WNK2: variants seen among roughly 807,000 people sequenced by gnomAD.
The protein encoded by WNK2 is serine/threonine-protein kinase WNK2.
In WNK2, 67 loss-of-function variants were observed where a neutral mutation model predicts 192.1. The ratio of observed to expected loss-of-function variants is 0.35; its 90% CI spans 0.29 to 0.43. WNK2 has a LOEUF of 0.43. WNK2 is among the 20% of genes least tolerant of loss of function. The pLI is 1.00. For synonymous variants in WNK2, 1,439 were observed against 1,393.9 expected (o/e 1.03, Z -0.72); for missense variants, 2,698 against 3,089.7 (o/e 0.87, Z 3.01).
intron 19 of WNK2, among the ~76,000 whole-genome samples, chr9:93,270,747 C>T (rs1484950380): frequency 2.6e-5 from 4 of 152,158 alleles, no homozygotes; most frequent in Admixed American, 6.5e-5. Flanking sequence ...CTTGCACCAG[C>T]ACGCCGACAG....
intron 19 of WNK2, among the ~76,000 whole-genome samples, chr9:93,287,421 A>G (rs575405218): frequency 6.6e-6 from 1 of 152,326 alleles, no homozygotes; most frequent in East Asian, 1.9e-4. Flanking sequence ...GAGTACCAAC[A>G]CAGAATGGAT....
intron 26 of WNK2, among the ~76,000 whole-genome samples, chr9:93,306,228 A>G (rs917849540): frequency 6.6e-6 from 1 of 152,168 alleles, no homozygotes; most frequent in African/African-American, 2.4e-5. Context: ...TCCCCTACTC[A>G]ACACTTGCCG....
rs762287616 is a variant in WNK2, at chr9:93,231,050, G to A, written c.1017G>A (p.Lys339=). Residue 339 remains lysine (K), a synonymous_variant, in exon 4 of 30, where the codon AAG becomes AAA. Transcript: ENST00000427277. Reference sequence around the variant, plus strand: ...TCACCGGACCAACTGGGTCTGTGAAGATTGGCGACTTGGGCCTGGCCACTC... The same window carrying A: ...TCACCGGACCAACTGGGTCTGTGAAAATTGGCGACTTGGGCCTGGCCACTC... ...IFITGPTGSV[K]IGDLGLATLK... is the part of the protein sequence containing the mutation. The A allele has an allele frequency of 6.2e-7, 1 of 1,613,934 alleles. No homozygotes were observed. Among genetic ancestry groups the A allele is most frequent in the South Asian group, 1.1e-5 (1 of 91,074 alleles).
chr9:93,191,628 A>G (rs550417936), intron 2 of WNK2, among the ~76,000 whole-genome samples: 1 of 152,140 alleles, frequency 6.6e-6, no homozygotes, highest in East Asian at 1.9e-4. Flanking sequence ...GTGAGAGATT[A>G]CAGGGCTGGT....
chr9:93,235,055 C>A, intron 5 of WNK2, 90 bp downstream of exon 5: 1 of 1,496,356 alleles, frequency 6.7e-7, no homozygotes, highest in Non-Finnish European at 9.1e-7. Flanking sequence ...TCTGTAAAGC[C>A]ATCCTGGCAG....
intron 16 of WNK2, among the ~76,000 whole-genome samples, chr9:93,266,689 G>A (rs1322293029): frequency 6.6e-6 from 1 of 152,220 alleles, no homozygotes; most frequent in African/African-American, 2.4e-5. Context: ...ACTTTGTCTG[G>A]AGGTGTATGC....
At chr9:93,211,933 TTCAC>T (rs1779192811) in intron 2 of WNK2, among the ~76,000 whole-genome samples, 1 of 150,440 alleles carries the variant, frequency 6.6e-6, no homozygotes, top group African/African-American at 2.5e-5. Context: ...CATCTACTCA[TTCAC>T]TCACTCATCC....
At chr9:93,262,224 C>A (rs1844394337) in intron 13 of WNK2, 117 bp downstream of exon 13, 1 of 1,261,770 alleles carries the variant, frequency 7.9e-7, no homozygotes, top group Non-Finnish European at 1.1e-6. Flanking sequence ...CTGGGACAGC[C>A]ACCCAGGTTC....
chr9:93,299,336 C>G (rs1193905821), intron 25 of WNK2, 75 bp downstream of exon 25: 1 of 1,472,772 alleles, frequency 6.8e-7, no homozygotes, highest in Non-Finnish European at 9.1e-7. Flanking sequence ...GGAGCACGCC[C>G]GTGTTGTGTA....
At chr9:93,303,061 G>T (rs1851886827) in intron 26 of WNK2, among the ~76,000 whole-genome samples, 1 of 152,108 alleles carries the variant, frequency 6.6e-6, no homozygotes, top group Non-Finnish European at 1.5e-5. Flanking sequence ...TGGGACCACA[G>T]GTCTGCACCA....
intron 5 of WNK2, among the ~76,000 whole-genome samples, chr9:93,237,013 G>T (rs1025281940): frequency 4.6e-5 from 7 of 152,224 alleles, no homozygotes; most frequent in African/African-American, 1.7e-4. Flanking sequence ...TGAGGTGGAG[G>T]TGTGCAGTGT....
intron 25 of WNK2, 75 bp downstream of exon 25, chr9:93,299,336 C>T (rs1193905821): frequency 3.7e-5 from 55 of 1,472,780 alleles, no homozygotes; most frequent in East Asian, 2.7e-4. Context: ...GGAGCACGCC[C>T]GTGTTGTGTA....
chr9:93,294,251 C>A (rs908655465), intron 23 of WNK2, among the ~76,000 whole-genome samples: 2 of 152,186 alleles, frequency 1.3e-5, no homozygotes, highest in Non-Finnish European at 2.9e-5. Flanking sequence ...TGGTCAGTGC[C>A]ATACATTGAG....
intron 29 of WNK2, 54 bp from the exon 30 acceptor site, chr9:93,320,313 G>C: frequency 7.3e-7 from 1 of 1,366,634 alleles, no homozygotes; most frequent in Admixed American, 1.9e-5. Flanking sequence ...GGCCCTTGGC[G>C]AGTGGCCAGC....
At chr9:93,263,451 G>A (rs1588281264) in intron 14 of WNK2, 115 bp from the exon 15 acceptor site, 1 of 1,354,132 alleles carries the variant, frequency 7.4e-7, no homozygotes, top group East Asian at 2.5e-5. Flanking sequence ...GCCTCTGTAG[G>A]TCACAGATTT....
chr9:93,249,145 G>GT (rs1225234543), intron 8 of WNK2, among the ~76,000 whole-genome samples: 1 of 152,170 alleles, frequency 6.6e-6, no homozygotes, highest in Non-Finnish European at 1.5e-5. Context: ...CAGACTTTTT[G>GT]TAAGAAGAAA....
At chr9:93,211,229 C>CTTATTCACTTACACAT (rs1563997208) in intron 2 of WNK2, among the ~76,000 whole-genome samples, 4 of 127,148 alleles carry the variant, frequency 3.1e-5, no homozygotes, top group African/African-American at 6.4e-5. Context: ...CATCCACTCA[C>CTTATTCACTTACACAT]TCACTCACTC....
At chr9:93,223,732 G>A (rs1837345713) in intron 2 of WNK2, among the ~76,000 whole-genome samples, 2 of 152,236 alleles carry the variant, frequency 1.3e-5, no homozygotes, top group Non-Finnish European at 1.5e-5. Flanking sequence ...GGGTCGACTG[G>A]TTCAAATCTT....
intron 13 of WNK2, 78 bp downstream of exon 13, chr9:93,262,185 T>A: frequency 6.8e-7 from 1 of 1,475,004 alleles, no homozygotes; most frequent in Non-Finnish European, 9.0e-7. Context: ...ACCTGGGGTC[T>A]TAGTCCTAGA....
Sources: allele counts gnomAD v4.1 joint callset (sites outside exome capture counted in the v4.1 genomes callset), GRCh38; gene constraint gnomAD v4.1.1; transcripts MANE v1.5; gene names NCBI Gene and HGNC (gene_info 2026-07-23, HGNC 2026-07-21).